The following DTX4 variants were observed in gnomAD, a reference collection of about 807,000 sequenced individuals.
DTX4 encodes E3 ubiquitin-protein ligase DTX4.
DTX4 carries 28 observed loss-of-function variants against 57.6 expected under a neutral mutation model. That is an observed-to-expected ratio of 0.49 (90% CI 0.36 to 0.67). The LOEUF (loss-of-function observed/expected upper bound fraction) is 0.67, where lower values mean the gene tolerates loss of function less well. DTX4 is among the 30% of genes least tolerant of loss of function. The probability of loss-of-function intolerance (pLI) is 0.00; values close to 1 mark genes in which losing one functional copy is unlikely to be tolerated. For synonymous variants in DTX4, 316 were observed against 331.0 expected (o/e 0.95, Z 0.49); for missense variants, 715 against 836.8 (o/e 0.85, Z 1.80).
chr11:59,188,855 G>A, intron 3 of DTX4, 59 bp downstream of exon 3: 1 of 1,454,206 alleles, frequency 6.9e-7, no homozygotes. Flanking sequence ...GATGAAATAG[G>A]TCATGAGCAT....
rs1032545077 is a variant in DTX4, at chr11:59,189,241, C to T, written c.1077C>T (p.Pro359=). ...CACCAAAGCTGGTCCTACACCCACC[C>T]CCCGTCAGCAAGAGTGAAATAAAAT... ...TRPPKLVLHP[P]PVSKSEIKSI... The change falls in exon 4 of 9, where the codon CCC becomes CCT. Residue 359 remains proline (P), a synonymous_variant. Transcript: ENST00000227451. 6.2e-7 allele frequency: 1 copy of T among 1,611,932 alleles called. No individual in the cohort carries two copies. The highest frequency in any genetic ancestry group is 8.5e-7 in the Non-Finnish European group (1 of 1,179,136).
chr11:59,195,503 A>G, intron 7 of DTX4, 134 bp downstream of exon 7: 1 of 998,506 alleles, frequency 1.0e-6, no homozygotes, highest in South Asian at 1.8e-5. Context: ...TTGCCCGCTG[A>G]CACTACATCC....
At chr11:59,196,902 A>T (rs575903611) in intron 7 of DTX4, among the ~76,000 whole-genome samples, 5 of 152,266 alleles carry the variant, frequency 3.3e-5, no homozygotes, top group Admixed American at 3.3e-4. Flanking sequence ...CAATAGAAAG[A>T]AAGTGTGCAA....
Position 59,199,751 on chromosome 11 carries a change from C to A in DTX4, c.1604C>A (p.Pro535Gln). 1 of 1,567,244 alleles carries A rather than the reference C, an allele frequency of 6.4e-7. No homozygotes were observed. The highest frequency in any genetic ancestry group is 8.7e-7 in the Non-Finnish European group (1 of 1,155,748). ...GGCTTCCCACGACACTGTTACCTTC[C>A]GGACAGCGAGAAAGGGAGAAAAGTA... ...ARGFPRHCYL[P>Q]DSEKGRKVLK... Residue 535 changes from proline to glutamine, a missense_variant, in exon 8 of 9, where the codon CCG becomes CAG. Physicochemically the swap from Pro to Gln is moderately conservative, Grantham distance 76. Coordinates refer to ENST00000227451, the MANE Select transcript of DTX4 (RefSeq NM_015177.2).
chr11:59,204,694 G>A lies in DTX4; in HGVS notation c.1645G>A (p.Val549Met), dbSNP rs1192905664. Residue 549 changes from valine (V) to methionine (M), a missense_variant, in exon 9 of 9, where the codon GTG becomes ATG. Coordinates refer to ENST00000227451, the MANE Select transcript of DTX4 (RefSeq NM_015177.2). ...CCTCTAGGTTCTGAAGCTGCTGCTC[G>A]TGGCCTGGGATCGCCGCCTCATTTT... ...KGRKVLKLLL[V>M]AWDRRLIFAI... 7.4e-6 allele frequency: 12 copies of A among 1,613,126 alleles called. No homozygotes were observed. Among genetic ancestry groups the A allele is most frequent in the Admixed American group, 1.7e-5 (1 of 59,900 alleles).
intron 1 of DTX4, among the ~76,000 whole-genome samples, chr11:59,178,766 G>A (rs1242429343): frequency 6.6e-6 from 1 of 152,190 alleles, no homozygotes; most frequent in Non-Finnish European, 1.5e-5. Context: ...GAAATGGATG[G>A]AAAATGGCTT....
At position 59,208,520 on chromosome 11, in the gene DTX4, A is replaced by G. The variant is rs1047949369; in HGVS notation, c.*3611A>G. On this transcript the variant is annotated 3_prime_UTR_variant, in exon 9 of 9. Transcript: ENST00000227451. ...ATTATTTACAGGCTGTTGTTTCTCA[A>G]ATAAATGTTTAATATTAATCATTCC... is the stretch of plus-strand genomic sequence containing the variant. 2.0e-5 allele frequency: 3 copies of G among 152,250 alleles called. No homozygotes were observed. The highest frequency in any genetic ancestry group is 2.9e-5 in the Non-Finnish European group (2 of 68,044). The allele number at this position is 152,250 out of a possible 1,614,324, so 9.4% of individuals were successfully genotyped here.
At position 59,205,987 on chromosome 11, in the gene DTX4, CA is replaced by C. The variant is rs1862802447; in HGVS notation, c.*1080del. On this transcript the variant is annotated 3_prime_UTR_variant, in exon 9 of 9. Coordinates refer to ENST00000227451, the MANE Select transcript of DTX4 (RefSeq NM_015177.2). ...TCCTTTGACGTTCCTCACCTGTTGCCAACCTATCCCGTAGTGAACTGAAACC... is the reference window on the plus strand; with the variant it reads ...TCCTTTGACGTTCCTCACCTGTTGCCACCTATCCCGTAGTGAACTGAAACC... 1 of 152,422 alleles carries C rather than the reference CA, an allele frequency of 6.6e-6. No homozygotes were observed. Among genetic ancestry groups the C allele is most frequent in the Non-Finnish European group, 1.5e-5 (1 of 68,138 alleles). The allele number at this position is 152,422 out of a possible 1,614,324, so 9.4% of individuals were successfully genotyped here. A position where few individuals can be genotyped will look rare whatever the true frequency, so the allele number is the denominator to read the frequency against.
Position 59,206,912 on chromosome 11 carries a change from G to T in DTX4, c.*2003G>T, listed in dbSNP as rs888548394. The T allele has an allele frequency of 1.3e-5, 2 of 152,614 alleles. No individual in the cohort carries two copies. Among genetic ancestry groups the T allele is most frequent in the Non-Finnish European group, 2.9e-5 (2 of 68,044 alleles). 9.5% of individuals were successfully genotyped at this position (152,614 alleles called of 1,614,324 possible). On this transcript the variant is annotated 3_prime_UTR_variant, in exon 9 of 9. Coordinates refer to ENST00000227451, the MANE Select transcript of DTX4 (RefSeq NM_015177.2). ...TATCTCACCAGCAGACCAGGAGACT[G>T]GTCCCAAGGTTACTGCACCACAGGG...
chr11:59,182,747 A>G (rs1383006896), intron 2 of DTX4, among the ~76,000 whole-genome samples: 3 of 152,130 alleles, frequency 2.0e-5, no homozygotes, highest in Admixed American at 2.0e-4. Flanking sequence ...TCATCTGTAA[A>G]TGCTGGCAGT....
At position 59,192,258 on chromosome 11, in the gene DTX4, C is replaced by G. The variant is rs1392401458; in HGVS notation, c.1374+8C>G. ...TACAACAATGGGAACAAGGTCAGTG[C>G]CAGCCTATGGGGCTCCTGCCACCCT... On this transcript the variant is annotated splice_region_variant and intron_variant, in intron 6 of 8. Coordinates refer to ENST00000227451, the MANE Select transcript of DTX4 (RefSeq NM_015177.2). The G allele has an allele frequency of 6.2e-7, 1 of 1,613,722 alleles. No homozygotes were observed. Among genetic ancestry groups the G allele is most frequent in the Admixed American group, 1.7e-5 (1 of 60,002 alleles).
intron 8 of DTX4, among the ~76,000 whole-genome samples, chr11:59,201,130 T>G (rs1017254639): frequency 1.3e-5 from 2 of 152,136 alleles, no homozygotes; most frequent in African/African-American, 4.8e-5. Flanking sequence ...GGTTTGTAAA[T>G]GGTGCCTTCT....
At chr11:59,189,031 G>T in intron 3 of DTX4, 131 bp from the exon 4 acceptor site, 1 of 1,163,064 alleles carries the variant, frequency 8.6e-7, no homozygotes, top group Non-Finnish European at 1.2e-6. Context: ...AAAGTACAGG[G>T]TAGAGAATCC....
intron 1 of DTX4, among the ~76,000 whole-genome samples, chr11:59,177,148 G>T (rs1862405375): frequency 1.3e-5 from 2 of 151,986 alleles, no homozygotes; most frequent in Admixed American, 6.6e-5. Context: ...ATCTTATTTG[G>T]GCACCTAATA....
chr11:59,194,994 G>A (rs1424870716), intron 6 of DTX4: 2 of 597,672 alleles, frequency 3.3e-6, no homozygotes, highest in Non-Finnish European at 5.9e-6. Context: ...TCAGCATGGA[G>A]CATGGGACCA....
chr11:59,182,285 C>T lies in DTX4; in HGVS notation c.758C>T (p.Ala253Val). ...ACCATTCGAGGCCCACTGAAGACCG[C>T]CCCATCGCAGGTGATCCGGAGACAA... ...TGTIRGPLKT[A>V]PSQVIRRQAS... The change falls in exon 2 of 9, where the codon GCC (alanine) becomes GTC (valine). Residue 253 changes from alanine to valine, a missense_variant. Coordinates refer to ENST00000227451, the MANE Select transcript of DTX4 (RefSeq NM_015177.2). The T allele has an allele frequency of 6.2e-7, 1 of 1,612,334 alleles. No homozygotes were observed. Among genetic ancestry groups the T allele is most frequent in the Non-Finnish European group, 8.5e-7 (1 of 1,179,806 alleles).
At chr11:59,177,885 G>T (rs1427179093) in intron 1 of DTX4, among the ~76,000 whole-genome samples, 1 of 152,184 alleles carries the variant, frequency 6.6e-6, no homozygotes, top group African/African-American at 2.4e-5. Context: ...ATTTTGGAGT[G>T]CCTAGGACAT....
chr11:59,190,105 G>A (rs1862578082), intron 4 of DTX4, among the ~76,000 whole-genome samples: 1 of 152,188 alleles, frequency 6.6e-6, no homozygotes, highest in Admixed American at 6.5e-5. Flanking sequence ...GAGAAGCAGG[G>A]CAACTGGAGG....
intron 6 of DTX4, 29 bp downstream of exon 6, chr11:59,192,279 A>G (rs199580019): frequency 1.9e-6 from 3 of 1,609,946 alleles, no homozygotes; most frequent in East Asian, 2.2e-5. Context: ...GGCTCCTGCC[A>G]CCCTTCACAC....
Sources: allele counts gnomAD v4.1 joint callset (sites outside exome capture counted in the v4.1 genomes callset), GRCh38; gene constraint gnomAD v4.1.1; transcripts MANE v1.5; gene names NCBI Gene and HGNC (gene_info 2026-07-23, HGNC 2026-07-21).